The following ADARB2 variants were observed in gnomAD, a reference collection of about 807,000 sequenced individuals.
ADARB2 encodes the protein inactive double-stranded RNA-specific editase B2.
ADARB2 carries 25 observed loss-of-function variants against 62.2 expected under a neutral mutation model. The ratio of observed to expected loss-of-function variants is 0.40; its 90% CI spans 0.29 to 0.56. ADARB2 has a LOEUF of 0.56. Among genes scored for constraint, ADARB2 ranks in the 20% least tolerant of loss-of-function variants. The pLI is 0.43. For synonymous variants in ADARB2, 572 were observed against 500.8 expected, an observed-to-expected ratio of 1.14 and a Z score of -1.90; for missense variants, 1,071 against 1,077.4, an observed-to-expected ratio of 0.99 and a Z score of 0.08.
At position 1,314,443 on chromosome 10, in the gene ADARB2, T is replaced by TTCCTCCTCCTCCTCC. The variant is rs147004052; in HGVS notation, c.1078-43389_1078-43375dup. On this transcript the variant is annotated intron_variant, in intron 3 of 9. Coordinates refer to ENST00000381312, the MANE Select transcript of ADARB2 (RefSeq NM_018702.4). ...CCTGGTCTGCCCCTGCAGCCAGTCC[T>TTCCTCCTCCTCCTCC]TCCTCCTCCTCCTCCTCCTCCTCCT... 2.8e-3 allele frequency among the ~76,000 whole-genome samples: 417 copies of TTCCTCCTCCTCCTCC among 150,700 alleles called. 1 individual carries two copies. Among genetic ancestry groups the TTCCTCCTCCTCCTCC allele is most frequent in the Non-Finnish European group, 3.6e-3 (244 of 67,572 alleles).
chr10:1,526,564 C>T (rs1832146665), intron 1 of ADARB2: 1 of 189,556 alleles, frequency 5.3e-6, no homozygotes, highest in Non-Finnish European at 1.1e-5. Flanking sequence ...CCCCTCCCAC[C>T]GCCTCTCCCA....
At chr10:1,186,713 G>A in intron 8 of ADARB2, 1 of 400,514 alleles carries the variant, frequency 2.5e-6, no homozygotes, top group Non-Finnish European at 5.0e-6. Flanking sequence ...TCTTGGCCAG[G>A]GCATTGCATA....
intron 1 of ADARB2, among the ~76,000 whole-genome samples, chr10:1,687,053 G>C (rs1252437898): frequency 1.7e-5 from 2 of 115,896 alleles, no homozygotes; most frequent in African/African-American, 3.4e-5. Context: ...TTTTTGACAA[G>C]TCTCGCTCTG....
At chr10:1,208,460 G>T (rs189492366) in intron 7 of ADARB2, among the ~76,000 whole-genome samples, 348 of 152,306 alleles carry the variant, frequency 2.3e-3, no homozygotes, top group African/African-American at 7.8e-3. Context: ...TCTGTCCCTG[G>T]CCCCAGCACT....
intron 1 of ADARB2, among the ~76,000 whole-genome samples, chr10:1,401,674 C>CTTCACGGCGGT (rs1832664611): frequency 1.3e-5 from 2 of 152,168 alleles, no homozygotes; most frequent in Admixed American, 1.3e-4. Context: ...AGAGCGGCGG[C>CTTCACGGCGGT]TTCACGGCGG....
In ADARB2 at chr10:1,498,758, A is replaced by T. The variant is rs574865360; in HGVS notation, c.101-119598T>A. ...TGTATAAATTTCAGAAATGACCAAAATCAAAAAATGTTGTTTAGAAATACA... is the reference window on the plus strand; with the variant it reads ...TGTATAAATTTCAGAAATGACCAAATTCAAAAAATGTTGTTTAGAAATACA... On this transcript the variant is annotated intron_variant, in intron 1 of 9. Transcript: ENST00000381312. 3.3e-5 allele frequency among the ~76,000 whole-genome samples: 5 copies of T among 152,368 alleles called. No individual in the cohort carries two copies. The East Asian group carries it at 9.6e-4, about 29-fold the overall frequency.
chr10:1,196,539 T>G (rs1203753861), intron 8 of ADARB2, among the ~76,000 whole-genome samples: 1 of 152,164 alleles, frequency 6.6e-6, no homozygotes, highest in East Asian at 1.9e-4. Flanking sequence ...CTTAAGATCA[T>G]GGTGGAAATT....
Position 1,233,819 on chromosome 10 carries a change from G to A in ADARB2, c.1388C>T (p.Ser463Leu), listed in dbSNP as rs761776908. ...ACCTTCTTTTAACCGCACGAATATC[G>A]ATCGCTCTGAGTCCTCGCGCCGCTT... ...LSKRREDSERSIFVRLKEGGY... is the reference protein window; with the variant it reads ...LSKRREDSERLIFVRLKEGGY... The change falls in exon 6 of 10, where the codon TCG becomes TTG. Residue 463 changes from serine to leucine, a missense_variant. Transcript: ENST00000381312. 1.2e-6 allele frequency: 2 copies of A among 1,613,794 alleles called. No homozygotes were observed. Among genetic ancestry groups the A allele is most frequent in the Admixed American group, 1.7e-5 (1 of 59,978 alleles).
intron 1 of ADARB2, among the ~76,000 whole-genome samples, chr10:1,546,344 G>T (rs527665861): frequency 6.6e-6 from 1 of 152,350 alleles, no homozygotes; most frequent in African/African-American, 2.4e-5. Context: ...TCGGCAACAG[G>T]TTCCTGCACT....
chr10:1,706,855 A>G (rs892002987), intron 1 of ADARB2, among the ~76,000 whole-genome samples: 1 of 150,582 alleles, frequency 6.6e-6, no homozygotes, highest in African/African-American at 2.4e-5. Context: ...ACTGAGGACA[A>G]CCTCTCCAGG....
At chr10:1,588,289 A>G (rs1388667136) in intron 1 of ADARB2, among the ~76,000 whole-genome samples, 2 of 151,990 alleles carry the variant, frequency 1.3e-5, no homozygotes, top group Non-Finnish European at 2.9e-5. Context: ...CTCTATTCCC[A>G]TTTTGAGATA....
intron 4 of ADARB2, among the ~76,000 whole-genome samples, chr10:1,253,738 TAAGAG>T (rs1011158484): frequency 1.3e-5 from 2 of 152,084 alleles, no homozygotes; most frequent in African/African-American, 2.4e-5. Context: ...AAGCCAGTGT[TAAGAG>T]AGGGAGAAAG....
At chr10:1,379,528 G>A (rs538179176) in intron 1 of ADARB2, among the ~76,000 whole-genome samples, 1 of 152,306 alleles carries the variant, frequency 6.6e-6, no homozygotes, top group East Asian at 1.9e-4. Context: ...GCTAAAACAA[G>A]TAAAACAATC....
chr10:1,479,262 C>G (rs984458475), intron 1 of ADARB2, among the ~76,000 whole-genome samples: 2 of 152,178 alleles, frequency 1.3e-5, no homozygotes, highest in African/African-American at 4.8e-5. Flanking sequence ...AGACCAGAAC[C>G]CAGGCAAGGC....
At chr10:1,482,214 C>A (rs2176377) in intron 1 of ADARB2, among the ~76,000 whole-genome samples, 59,766 of 152,062 alleles carry the variant, frequency 0.39, 12,533 homozygotes, top group African/African-American at 0.54. Flanking sequence ...AGCATGATTC[C>A]TAACTTGCAC....
At chr10:1,344,495 A>G (rs1589198608) in intron 3 of ADARB2, among the ~76,000 whole-genome samples, 1 of 152,358 alleles carries the variant, frequency 6.6e-6, no homozygotes, top group East Asian at 1.9e-4. Context: ...AAGAATTGTC[A>G]CAAAGCATAA....
chr10:1,628,017 G>C (rs1833792961), intron 1 of ADARB2, among the ~76,000 whole-genome samples: 1 of 152,246 alleles, frequency 6.6e-6, no homozygotes, highest in Non-Finnish European at 1.5e-5. Context: ...ACTGCCGGCT[G>C]ATGTGGGCTT....
chr10:1,285,260 C>A (rs1383279466), intron 3 of ADARB2, among the ~76,000 whole-genome samples: 3 of 152,112 alleles, frequency 2.0e-5, no homozygotes, highest in Non-Finnish European at 4.4e-5. Flanking sequence ...ACCAGTCTTT[C>A]ATGCCTCCCA....
chr10:1,323,437 C>T (rs1343252864), intron 3 of ADARB2, among the ~76,000 whole-genome samples: 1 of 151,980 alleles, frequency 6.6e-6, no homozygotes, highest in Non-Finnish European at 1.5e-5. Context: ...TAACAAAATA[C>T]CAGCAAATAT....
Sources: gnomAD v4.1 joint callset for allele counts (sites outside exome capture counted in the v4.1 genomes callset) on GRCh38, gnomAD v4.1.1 for gene constraint, MANE v1.5 for transcripts, NCBI Gene and HGNC (gene_info 2026-07-23, HGNC 2026-07-21) for gene names.